ZBTB40: variants seen among roughly 807,000 people sequenced by gnomAD.
The protein encoded by ZBTB40 is zinc finger and BTB domain-containing protein 40.
Under a neutral mutation model 117.5 loss-of-function variants are expected in ZBTB40, and 60 were observed. That is an observed-to-expected ratio of 0.51 (90% CI 0.41 to 0.63). The LOEUF (loss-of-function observed/expected upper bound fraction) is 0.63. Among genes scored for constraint, ZBTB40 ranks in the 30% least tolerant of loss-of-function variants. The probability of loss-of-function intolerance (pLI) is 0.00; values close to 1 mark genes in which losing one functional copy is unlikely to be tolerated. For missense variants in ZBTB40, 1,287 were observed against 1,498.5 expected, an observed-to-expected ratio of 0.86 and a Z score of 2.33; for synonymous variants, 525 against 577.1, an observed-to-expected ratio of 0.91 and a Z score of 1.29.
intron 1 of ZBTB40, among the ~76,000 whole-genome samples, chr1:22,431,618 C>A (rs1640591215): frequency 6.6e-6 from 1 of 151,922 alleles, no homozygotes; most frequent in Admixed American, 6.6e-5. Context: ...CACCTGCAAT[C>A]CCAGCTACTC....
chr1:22,441,977 A>G (rs892904975), intron 1 of ZBTB40, among the ~76,000 whole-genome samples: 1 of 151,936 alleles, frequency 6.6e-6, no homozygotes, highest in East Asian at 1.9e-4. Context: ...TTTCATTTTC[A>G]TTCTTCTCTA....
At chr1:22,456,917 A>G (rs1374527174) in intron 1 of ZBTB40, among the ~76,000 whole-genome samples, 1 of 152,246 alleles carries the variant, frequency 6.6e-6, no homozygotes, top group Non-Finnish European at 1.5e-5. Context: ...CTTTGTTTCT[A>G]GGCATCAGCT....
At position 22,502,389 on chromosome 1, in the gene ZBTB40, T is replaced by C. The variant is rs776063798; in HGVS notation, c.1115T>C (p.Met372Thr). The C allele has an allele frequency of 1.8e-5, 29 of 1,613,966 alleles. No individual in the cohort carries two copies. The highest frequency in any genetic ancestry group is 1.9e-5 in the Non-Finnish European group (23 of 1,179,986). The change falls in exon 5 of 18, where the codon ATG (methionine) becomes ACG (threonine). Residue 372 changes from methionine (M) to threonine (T), a missense_variant. By Grantham distance (81) the Met-to-Thr change is moderately conservative. Transcript: ENST00000375647. ...TGTGTAACACAGCTGAGACCTATTA[T>C]GGAGTCCCTGGAAACAGCCAAGGAG... is the stretch of plus-strand genomic sequence containing the variant. The part of the protein sequence containing the change: ...IQCVTQLRPI[M>T]ESLETAKEEF...
upstream of ZBTB40, among the ~76,000 whole-genome samples, chr1:22,449,491 G>A (rs1640830692): frequency 6.6e-6 from 1 of 152,182 alleles, no homozygotes; most frequent in African/African-American, 2.4e-5. Flanking sequence ...CGTTGTTCAT[G>A]AACTGTAGGC....
intron 1 of ZBTB40, among the ~76,000 whole-genome samples, chr1:22,433,620 T>TATAC (rs1158216743): frequency 1.4e-5 from 2 of 147,194 alleles, no homozygotes; most frequent in Non-Finnish European, 3.0e-5. Flanking sequence ...TGGATTTTGA[T>TATAC]ATACGGGGGT....
chr1:22,491,645 A>C (rs542434376), intron 3 of ZBTB40, 112 bp downstream of exon 3: 1 of 1,254,338 alleles, frequency 8.0e-7, no homozygotes, highest in African/African-American at 1.5e-5. Flanking sequence ...TTGAAACTTT[A>C]ATTTTTTTTT....
At chr1:22,476,666 T>C (rs1641555335) in intron 1 of ZBTB40, among the ~76,000 whole-genome samples, 1 of 152,252 alleles carries the variant, frequency 6.6e-6, no homozygotes. Context: ...GGCACTTGGT[T>C]CAGCCAATTA....
chr1:22,526,265 C>T lies in ZBTB40; in HGVS notation c.3589C>T (p.Leu1197Phe), dbSNP rs879300124. The T allele has an allele frequency of 3.1e-6, 5 of 1,614,096 alleles. No homozygotes were observed. Among genetic ancestry groups the T allele is most frequent in the Non-Finnish European group, 4.2e-6 (5 of 1,180,052 alleles). The change falls in exon 18 of 18, where the codon CTT (leucine) becomes TTT (phenylalanine). Residue 1197 changes from leucine (L) to phenylalanine (F), a missense_variant. Leu to Phe is a conservative substitution (Grantham distance 22). Around this residue, in one of 2 missense-constraint regions of ZBTB40, gnomAD observed 417 missense variants for 564.1 expected, o/e 0.74. Transcript: ENST00000375647. ...GGTGATCACTTTGGAGGAGACCCAGCTTGCCGGGTCGCAGGTGTTTGTGAC... is the reference window on the plus strand; with the variant it reads ...GGTGATCACTTTGGAGGAGACCCAGTTTGCCGGGTCGCAGGTGTTTGTGAC... ...EQVITLEETQ[L>F]AGSQVFVTLP...
chr1:22,508,036 T>C lies in ZBTB40; in HGVS notation c.1396T>C (p.Leu466=). 7.4e-6 allele frequency: 12 copies of C among 1,614,198 alleles called. No homozygotes were observed. Among genetic ancestry groups the C allele is most frequent in the Non-Finnish European group, 1.0e-5 (12 of 1,180,044 alleles). The change falls in exon 7 of 18, where the codon TTG becomes CTG. Residue 466 remains leucine, a synonymous_variant. Coordinates refer to ENST00000375647, the MANE Select transcript of ZBTB40 (RefSeq NM_014870.4). The part of the protein sequence containing the change: ...PSPDDYGTEL[L]RRYHENLSEI... ...CCCTGATGATTATGGGACTGAGCTA[T>C]TGAGACGCTATCATGAAAACCTCTC...
chr1:22,501,449 T>C lies in ZBTB40; in HGVS notation c.832-43T>C, dbSNP rs760837349. On this transcript the variant is annotated intron_variant, in intron 3 of 17. Transcript: ENST00000375647. The stretch of plus-strand genomic sequence containing the variant: ...CCAAATGCAAGGAGCGGATGGTTCT[T>C]GTGGTTCGCTAATCTATCTTTCTGG... The C allele has an allele frequency of 6.2e-6, 10 of 1,609,280 alleles. No individual in the cohort carries two copies. The Admixed American group carries it at 1.7e-4, about 27-fold the overall frequency.
At chr1:22,498,573 A>G (rs1638843091) in intron 3 of ZBTB40, among the ~76,000 whole-genome samples, 1 of 152,136 alleles carries the variant, frequency 6.6e-6, no homozygotes, top group African/African-American at 2.4e-5. Context: ...CCAGATGGCC[A>G]CCCTAGCATC....
chr1:22,456,803 A>G (rs879774351), intron 1 of ZBTB40, among the ~76,000 whole-genome samples: 5 of 152,206 alleles, frequency 3.3e-5, no homozygotes, highest in Non-Finnish European at 5.9e-5. Flanking sequence ...GTTAATTTAC[A>G]TGAGACTGGT....
intron 1 of ZBTB40, among the ~76,000 whole-genome samples, chr1:22,484,785 A>C (rs940643134): frequency 1.3e-5 from 2 of 152,072 alleles, no homozygotes; most frequent in Non-Finnish European, 2.9e-5. Context: ...GGTTTTTTGT[A>C]GATGTTCTTT....
At chr1:22,507,488 C>T (rs1422303291) in intron 6 of ZBTB40, among the ~76,000 whole-genome samples, 1 of 152,152 alleles carries the variant, frequency 6.6e-6, no homozygotes, top group Non-Finnish European at 1.5e-5. Context: ...ATCTGCAAAG[C>T]TAAGAGAAAT....
chr1:22,440,845 T>TAATC (rs1303479371), intron 1 of ZBTB40, among the ~76,000 whole-genome samples: 1 of 152,222 alleles, frequency 6.6e-6, no homozygotes. Context: ...TCATTGTGTA[T>TAATC]AATCCTTTTA....
At chr1:22,512,300 A>G (rs1276087739) in intron 11 of ZBTB40, among the ~76,000 whole-genome samples, 166 bp downstream of exon 11, 1 of 152,198 alleles carries the variant, frequency 6.6e-6, no homozygotes, top group African/African-American at 2.4e-5. Flanking sequence ...GGGCTTTGGA[A>G]TCAGCCCCCG....
intron 3 of ZBTB40, among the ~76,000 whole-genome samples, chr1:22,492,168 A>G (rs1457040551): frequency 1.3e-5 from 2 of 152,210 alleles, no homozygotes; most frequent in African/African-American, 4.8e-5. Flanking sequence ...CAGAGCTCAT[A>G]TGACCCTGAG....
intron 1 of ZBTB40, among the ~76,000 whole-genome samples, chr1:22,434,814 T>C (rs1640648906): frequency 6.6e-6 from 1 of 152,202 alleles, no homozygotes; most frequent in South Asian, 2.1e-4. Context: ...CTTTAAAATA[T>C]AGTTTAATAT....
intron 17 of ZBTB40, among the ~76,000 whole-genome samples, chr1:22,525,704 C>T (rs537428255): frequency 2.6e-5 from 4 of 152,372 alleles, no homozygotes; most frequent in East Asian, 3.9e-4. Flanking sequence ...TTCATCCAGT[C>T]TTCCTCCTAA....
Sources: allele counts gnomAD v4.1 joint callset (sites outside exome capture counted in the v4.1 genomes callset), GRCh38; gene constraint gnomAD v4.1.1; regional missense constraint gnomAD v4.1.1; transcripts MANE v1.5; gene names NCBI Gene and HGNC (gene_info 2026-07-23, HGNC 2026-07-21).